Variants in C5 observed in about 807,000 individuals in gnomAD.
C5 encodes the protein C3 and PZP-like alpha-2-macroglobulin domain-containing protein 4.
In C5, 140 loss-of-function variants were observed where a neutral mutation model predicts 218.8. That is an observed-to-expected ratio of 0.64 (90% CI 0.56 to 0.74). The LOEUF is 0.74. C5 is among the 30% of genes least tolerant of loss of function. C5 has a pLI of 0.00. For missense variants in C5, 1,700 were observed against 1,969.6 expected, an observed-to-expected ratio of 0.86 and a Z score of 2.59; for synonymous variants, 614 against 682.3, an observed-to-expected ratio of 0.90 and a Z score of 1.56.
chr9:120,978,055 T>C (rs2046965847), intron 28 of C5, among the ~76,000 whole-genome samples: 1 of 152,104 alleles, frequency 6.6e-6, no homozygotes. Context: ...TTTTTCCTGA[T>C]AGGAAAATTT....
chr9:120,969,174 C>T, intron 32 of C5, 56 bp from the exon 33 acceptor site: 1 of 1,395,154 alleles, frequency 7.2e-7, no homozygotes, highest in Non-Finnish European at 1.0e-6. Context: ...CTGTTTTCAG[C>T]TGCTTTGGAA....
intron 3 of C5, among the ~76,000 whole-genome samples, chr9:121,039,919 G>C (rs973684961): frequency 2.6e-5 from 4 of 152,188 alleles, no homozygotes; most frequent in African/African-American, 9.6e-5. Flanking sequence ...TTACAGGCAT[G>C]AGCCACCGCG....
At chr9:120,999,777 C>A in intron 20 of C5, 1 of 332,104 alleles carries the variant, frequency 3.0e-6, no homozygotes, top group Non-Finnish European at 6.0e-6. Context: ...AGGTAATTAA[C>A]AGGAACTAAG....
intron 20 of C5, among the ~76,000 whole-genome samples, chr9:121,002,317 T>TGTGTGTGTGTATATATATATATAC (rs2047177938): frequency 2.1e-5 from 1 of 47,774 alleles, no homozygotes. Context: ...TATGTGTGTG[T>TGTGTGTGTGTATATATATATATAC]ATATATATAT....
chr9:121,050,019 A>G (rs2047659874), intron 1 of C5, among the ~76,000 whole-genome samples, 163 bp downstream of exon 1: 2 of 152,240 alleles, frequency 1.3e-5, no homozygotes, highest in African/African-American at 4.8e-5. Flanking sequence ...CTACTCATCA[A>G]ATCAAAATGC....
At chr9:120,983,116 A>C (rs1037984296) in intron 25 of C5, among the ~76,000 whole-genome samples, 1 of 152,250 alleles carries the variant, frequency 6.6e-6, no homozygotes, top group African/African-American at 2.4e-5. Context: ...TAAAATAAAT[A>C]GTTTTGAGTC....
chr9:121,027,589 G>A (rs2047435965), intron 7 of C5, among the ~76,000 whole-genome samples: 1 of 152,158 alleles, frequency 6.6e-6, no homozygotes, highest in Non-Finnish European at 1.5e-5. Flanking sequence ...AACAAGAAAT[G>A]GGGAAAGGAT....
Position 121,043,039 on chromosome 9 carries a change from T to C in C5, c.386A>G (p.His129Arg), listed in dbSNP as rs774850483. ...ITYDNGFLFI[H>R]TDKPVYTPDQ... ...TGGAGTATAAACAGGTTTGTCTGTATGAATGAAGAGAAATCCATTGTCATA... is the reference window on the plus strand; with the variant it reads ...TGGAGTATAAACAGGTTTGTCTGTACGAATGAAGAGAAATCCATTGTCATA... The change falls in exon 3 of 41, where the codon CAT (histidine) becomes CGT (arginine). Residue 129 changes from histidine to arginine, a missense_variant. Transcript: ENST00000223642. The C allele has an allele frequency of 1.6e-5, 26 of 1,613,138 alleles. No homozygotes were observed. The highest frequency in any genetic ancestry group is 2.2e-5 in the Non-Finnish European group (26 of 1,179,304).
intron 5 of C5, among the ~76,000 whole-genome samples, chr9:121,034,135 G>T (rs928143298): frequency 9.2e-5 from 14 of 152,144 alleles, no homozygotes; most frequent in Non-Finnish European, 1.8e-4. Flanking sequence ...GGCCAGGCTG[G>T]TCTCAAATTC....
chr9:121,010,742 G>C (rs2047254942), intron 17 of C5, among the ~76,000 whole-genome samples: 1 of 151,986 alleles, frequency 6.6e-6, no homozygotes, highest in South Asian at 2.1e-4. Flanking sequence ...TTATACTATA[G>C]TATAATTCAA....
intron 34 of C5, 51 bp downstream of exon 34, chr9:120,963,585 T>G: frequency 8.1e-7 from 1 of 1,227,238 alleles, no homozygotes; most frequent in Non-Finnish European, 1.2e-6. Context: ...ATAAAATAAT[T>G]CAGAAAAGAA....
chr9:121,009,308 T>G (rs571074328), intron 17 of C5, among the ~76,000 whole-genome samples: 51 of 152,230 alleles, frequency 3.4e-4, no homozygotes, highest in Non-Finnish European at 5.6e-4. Flanking sequence ...AGCAAGACTG[T>G]GATCTCTAAG....
In C5 at chr9:121,050,262, G is replaced by A. The variant is rs771997185; in HGVS notation, c.-16C>T. 4 of 1,602,828 alleles carry A rather than the reference G, an allele frequency of 2.5e-6. No homozygotes were observed. Among genetic ancestry groups the A allele is most frequent in the Non-Finnish European group, 3.4e-6 (4 of 1,169,750 alleles). The stretch of plus-strand genomic sequence containing the variant: ...AAAGGCCCATGGTTGGAGGTAGCAG[G>A]AAACCACGGATATAACACTTTTGAG... On this transcript the variant is annotated 5_prime_UTR_variant, in exon 1 of 41. Coordinates refer to ENST00000223642, the MANE Select transcript of C5 (RefSeq NM_001735.3).
Position 120,952,417 on chromosome 9 carries a change from C to T in C5, c.*322G>A, listed in dbSNP as rs2046750915. The T allele has an allele frequency of 3.1e-6, 1 of 322,146 alleles. No homozygotes were observed. The highest frequency in any genetic ancestry group is 6.0e-6 in the Non-Finnish European group (1 of 165,810). 20.0% of individuals were successfully genotyped at this position (322,146 alleles called of 1,614,324 possible). On this transcript the variant is annotated 3_prime_UTR_variant, in exon 41 of 41. Transcript: ENST00000223642. ...AAGCAAAGGCCATGTTTTTGTAATA[C>T]TCCCTTTCAATGGACTGTTCTTTCG...
Position 121,017,527 on chromosome 9 carries a change from A to AAAAAG in C5, c.1717-21_1717-17dup. On this transcript the variant is annotated splice_polypyrimidine_tract_variant and intron_variant, in intron 13 of 40. Transcript: ENST00000223642. Reference sequence around the variant, plus strand: ...ACAGATGAACCTAAAAGTTCATTTGAAAAAGAAAAGAAAAGATCATTTGTA... The same window carrying AAAAAG: ...ACAGATGAACCTAAAAGTTCATTTGAAAAAGAAAAGAAAAGAAAAGATCATTTGTA... 6.2e-7 allele frequency: 1 copy of AAAAAG among 1,613,414 alleles called. No homozygotes were observed. Among genetic ancestry groups the AAAAAG allele is most frequent in the Non-Finnish European group, 8.5e-7 (1 of 1,179,792 alleles).
chr9:120,997,860 C>A, intron 20 of C5, 86 bp from the exon 21 acceptor site: 2 of 1,131,810 alleles, frequency 1.8e-6, no homozygotes, highest in Middle Eastern at 2.8e-4. Context: ...TGGAGTGCAG[C>A]GGCATGATCT....
Position 120,956,562 on chromosome 9 carries a change from A to C in C5, c.4762+723T>G, listed in dbSNP as rs535323935. Among the ~76,000 whole-genome samples the C allele has an allele frequency of 2.2e-4, 33 of 152,364 alleles. No individual in the cohort carries two copies. The East Asian group carries it at 4.2e-3, about 20-fold the overall frequency. On this transcript the variant is annotated intron_variant, in intron 39 of 40. Transcript: ENST00000223642. ...CATAAAATTAGAAAAAAACATTTTA[A>C]TATTCATATGGAACAAAGAAAGAAC... is the stretch of plus-strand genomic sequence containing the variant.
chr9:121,074,535 G>A, the C5 span, among the ~76,000 whole-genome samples: 1 of 152,220 alleles, frequency 6.6e-6, no homozygotes, highest in East Asian at 1.9e-4. Context: ...GAAGTGTGCT[G>A]ATAAGAACAC....
intron 31 of C5, 73 bp from the exon 32 acceptor site, chr9:120,970,324 G>T: frequency 2.1e-6 from 2 of 942,206 alleles, no homozygotes; most frequent in Non-Finnish European, 3.5e-6. Flanking sequence ...TGGCAACACT[G>T]CTGCTGCAGA....
Sources: allele counts gnomAD v4.1 joint callset (sites outside exome capture counted in the v4.1 genomes callset), GRCh38; gene constraint gnomAD v4.1.1; transcripts MANE v1.5; gene names NCBI Gene and HGNC (gene_info 2026-07-23, HGNC 2026-07-21).